HCN1: variants seen among roughly 807,000 people sequenced by gnomAD.
HCN1 encodes the protein potassium/sodium hyperpolarization-activated cyclic nucleotide-gated channel 1.
A neutral mutation model predicts 78.9 loss-of-function variants in HCN1; 13 were observed. The ratio of observed to expected loss-of-function variants is 0.16; its 90% confidence interval spans 0.11 to 0.26. HCN1 has a LOEUF of 0.26. HCN1 is among the 10% of genes least tolerant of loss of function. HCN1 has a pLI of 1.00. For missense variants in HCN1, 810 were observed against 1,154.3 expected (o/e 0.70, Z 4.32); for synonymous variants, 552 against 455.5 (o/e 1.21, Z -2.70).
At position 45,565,822 on chromosome 5, in the gene HCN1, T is replaced by A. The variant is rs559664023; in HGVS notation, c.849+79363A>T. On this transcript the variant is annotated intron_variant, in intron 2 of 7. Coordinates refer to ENST00000303230, the MANE Select transcript of HCN1 (RefSeq NM_021072.4). The stretch of plus-strand genomic sequence containing the variant: ...TGTCTCAAAACAACAACAACAACAA[T>A]AATAATAATAATTAAGTATTCTATT... 2.0e-5 allele frequency among the ~76,000 whole-genome samples: 3 copies of A among 152,052 alleles called. No individual in the cohort carries two copies. The East Asian group carries it at 5.8e-4, about 29-fold the overall frequency.
In HCN1 at chr5:45,553,903, T is replaced by C. The variant is rs577333353; in HGVS notation, c.849+91282A>G. Reference sequence around the variant, plus strand: ...TGGGAGGGCCAACTGTACCTGGAAGTCACATATGCCCCTTACTCTAAGTAT... The same window carrying C: ...TGGGAGGGCCAACTGTACCTGGAAGCCACATATGCCCCTTACTCTAAGTAT... On this transcript the variant is annotated intron_variant, in intron 2 of 7. Transcript: ENST00000303230. 1.7e-3 allele frequency among the ~76,000 whole-genome samples: 263 copies of C among 152,010 alleles called. 2 individuals carry two copies. The highest frequency in any genetic ancestry group is 6.2e-3 in the African/African-American group (256 of 41,520).
intron 2 of HCN1, among the ~76,000 whole-genome samples, chr5:45,478,368 T>G (rs1349892451): frequency 6.6e-6 from 1 of 152,106 alleles, no homozygotes; most frequent in Non-Finnish European, 1.5e-5. Flanking sequence ...ATATATTAAT[T>G]ATGTAGAATG....
intron 3 of HCN1, among the ~76,000 whole-genome samples, chr5:45,441,472 C>G (rs1310551370): frequency 1.3e-5 from 2 of 152,066 alleles, no homozygotes; most frequent in Non-Finnish European, 2.9e-5. Context: ...ACATCCTAAT[C>G]TCAAGAAAAC....
intron 3 of HCN1, among the ~76,000 whole-genome samples, chr5:45,421,072 C>CT (rs1209197905): frequency 4.4e-4 from 65 of 148,216 alleles, no homozygotes; most frequent in South Asian, 8.6e-4. Context: ...TTTCTTCTTT[C>CT]TTTTTTTTTT....
At position 45,646,574 on chromosome 5, in the gene HCN1, C is replaced by T. The variant is rs1462600571; in HGVS notation, c.426-966G>A. Reference sequence around the variant, plus strand: ...TTAACATTTCTAATTTAATTCTGAACATGCCTATGACTACTAAGTACCTTT... The same window carrying T: ...TTAACATTTCTAATTTAATTCTGAATATGCCTATGACTACTAAGTACCTTT... On this transcript the variant is annotated intron_variant, in intron 1 of 7. Coordinates refer to ENST00000303230, the MANE Select transcript of HCN1 (RefSeq NM_021072.4). 2.0e-5 allele frequency among the ~76,000 whole-genome samples: 3 copies of T among 152,022 alleles called. No individual in the cohort carries two copies. The South Asian group carries it at 6.2e-4, about 32-fold the overall frequency.
At chr5:45,359,130 T>C (rs867510177) in intron 4 of HCN1, among the ~76,000 whole-genome samples, 10 of 152,100 alleles carry the variant, frequency 6.6e-5, no homozygotes, top group Middle Eastern at 3.2e-3. Context: ...TTGTATGCCC[T>C]TTTTTCCTGT....
At chr5:45,690,306 T>C (rs1739885436) in intron 1 of HCN1, among the ~76,000 whole-genome samples, 1 of 152,026 alleles carries the variant, frequency 6.6e-6, no homozygotes, top group African/African-American at 2.4e-5. Context: ...TGGTCAACTA[T>C]TAGACAAAAT....
chr5:45,276,379 A>G (rs1487575078), intron 6 of HCN1, among the ~76,000 whole-genome samples: 1 of 152,144 alleles, frequency 6.6e-6, no homozygotes, highest in Non-Finnish European at 1.5e-5. Context: ...ACTGCAAAGC[A>G]GGTTAGGATT....
At chr5:45,435,473 G>T (rs1169280898) in intron 3 of HCN1, among the ~76,000 whole-genome samples, 1 of 152,004 alleles carries the variant, frequency 6.6e-6, no homozygotes, top group Non-Finnish European at 1.5e-5. Flanking sequence ...TTGGTAACTA[G>T]GTTCTAGACA....
intron 2 of HCN1, among the ~76,000 whole-genome samples, chr5:45,549,959 C>T (rs1010731408): frequency 6.6e-6 from 1 of 152,132 alleles, no homozygotes; most frequent in Non-Finnish European, 1.5e-5. Context: ...TACCATCTCA[C>T]ACCAGTTAGA....
At chr5:45,395,919 G>C in intron 4 of HCN1, among the ~76,000 whole-genome samples, 1 of 152,058 alleles carries the variant, frequency 6.6e-6, no homozygotes, top group Admixed American at 6.6e-5. Context: ...AAAGTTTAGA[G>C]CAGCAATCAT....
chr5:45,591,239 G>GC (rs1744354939), intron 2 of HCN1, among the ~76,000 whole-genome samples: 1 of 152,146 alleles, frequency 6.6e-6, no homozygotes, highest in Non-Finnish European at 1.5e-5. Context: ...ACATTTGTGT[G>GC]CAGATTTTTG....
chr5:45,365,216 G>A (rs1747209991), intron 4 of HCN1, among the ~76,000 whole-genome samples: 1 of 151,424 alleles, frequency 6.6e-6, no homozygotes, highest in African/African-American at 2.4e-5. Flanking sequence ...TTAGATTTAG[G>A]GAATTCATGT....
intron 2 of HCN1, among the ~76,000 whole-genome samples, chr5:45,564,507 C>A (rs1579972097): frequency 6.6e-6 from 1 of 152,084 alleles, no homozygotes; most frequent in Non-Finnish European, 1.5e-5. Flanking sequence ...AAGTAGGAAG[C>A]TTTTACCTAC....
chr5:45,620,801 T>C (rs1309515082), intron 2 of HCN1, among the ~76,000 whole-genome samples: 2 of 152,182 alleles, frequency 1.3e-5, no homozygotes, highest in African/African-American at 2.4e-5. Context: ...AGTCCCTGTA[T>C]CTGACAAGTC....
intron 1 of HCN1, among the ~76,000 whole-genome samples, chr5:45,689,331 T>C (rs1382579798): frequency 6.6e-6 from 1 of 152,022 alleles, no homozygotes; most frequent in Non-Finnish European, 1.5e-5. Flanking sequence ...CTAAGAAAGT[T>C]TGGCAAGAAA....
chr5:45,545,739 T>C lies in HCN1; in HGVS notation c.850-83732A>G, dbSNP rs1743209798. Among the ~76,000 whole-genome samples, 3 of 152,282 alleles carry C rather than the reference T, an allele frequency of 2.0e-5. No individual in the cohort carries two copies. In the South Asian group the frequency reaches 6.2e-4, roughly 32 times the overall value. On this transcript the variant is annotated intron_variant, in intron 2 of 7. Transcript: ENST00000303230. ...CCATTTCTTGTTTTTGTCAGGTTTG[T>C]CAAAGATCAGAGGTACCTTCTGAAT...
chr5:45,352,925 A>G (rs552884497), intron 5 of HCN1, among the ~76,000 whole-genome samples, 175 bp downstream of exon 5: 41 of 152,120 alleles, frequency 2.7e-4, no homozygotes, highest in Non-Finnish European at 5.0e-4. Flanking sequence ...CAATTTTCCA[A>G]TACTTTTTTC....
chr5:45,445,296 A>C (rs1352183252), intron 3 of HCN1, among the ~76,000 whole-genome samples: 1 of 152,156 alleles, frequency 6.6e-6, no homozygotes, highest in East Asian at 1.9e-4. Flanking sequence ...GCACAGCAGT[A>C]TGAGATCAAA....
Sources: gnomAD v4.1 joint callset for allele counts (sites outside exome capture counted in the v4.1 genomes callset) on GRCh38, gnomAD v4.1.1 for gene constraint, MANE v1.5 for transcripts, NCBI Gene and HGNC (gene_info 2026-07-23, HGNC 2026-07-21) for gene names.